MACROD2: variants seen among roughly 807,000 people sequenced by gnomAD.
MACROD2 encodes ADP-ribose glycohydrolase MACROD2.
In MACROD2, 36 loss-of-function variants were observed where a neutral mutation model predicts 70.4. That is an observed-to-expected ratio of 0.51 (90% CI 0.39 to 0.68). The LOEUF (loss-of-function observed/expected upper bound fraction) is 0.68. Ranked by LOEUF, MACROD2 falls within the 30% of genes least tolerant of loss-of-function variation. MACROD2 has a pLI of 0.00. For missense variants in MACROD2, 496 were observed against 538.4 expected, an observed-to-expected ratio of 0.92 and a Z score of 0.78; for synonymous variants, 172 against 178.8, an observed-to-expected ratio of 0.96 and a Z score of 0.30.
intron 4 of MACROD2, among the ~76,000 whole-genome samples, chr20:14,564,149 A>G (rs1451939424): frequency 6.6e-6 from 1 of 152,014 alleles, no homozygotes; most frequent in Non-Finnish European, 1.5e-5. Context: ...CGTATGCAGA[A>G]GAATGAAACT....
intron 4 of MACROD2, among the ~76,000 whole-genome samples, chr20:14,497,018 AGGGCTCCTTGCCCT>A (rs1415709950): frequency 6.6e-6 from 1 of 151,768 alleles, no homozygotes; most frequent in Non-Finnish European, 1.5e-5. Flanking sequence ...CTGCCACTCC[AGGGCTCCTTGCCCT>A]GGCACTGTGG....
chr20:15,649,447 G>T (rs2146792606), intron 8 of MACROD2, among the ~76,000 whole-genome samples: 1 of 152,122 alleles, frequency 6.6e-6, no homozygotes, highest in East Asian at 1.9e-4. Flanking sequence ...CCAGAGTCGT[G>T]AATTATGACA....
chr20:15,075,818 G>GCT (rs1490348376), intron 5 of MACROD2, among the ~76,000 whole-genome samples: 1 of 152,148 alleles, frequency 6.6e-6, no homozygotes, highest in Non-Finnish European at 1.5e-5. Context: ...AGTGACCACT[G>GCT]CAGGGTAGAG....
At chr20:15,772,103 T>A (rs6079965) in intron 8 of MACROD2, among the ~76,000 whole-genome samples, 9,691 of 77,200 alleles carry the variant, frequency 0.13, 503 homozygotes, top group Non-Finnish European at 0.15. Context: ...AAAAAAAAAA[T>A]ATATATATAT....
chr20:15,868,428 C>T (rs2030452960), intron 9 of MACROD2, among the ~76,000 whole-genome samples: 1 of 152,144 alleles, frequency 6.6e-6, no homozygotes. Context: ...TTATCTATTA[C>T]TGCCCATGAA....
chr20:14,132,847 C>A (rs908999040), intron 3 of MACROD2, among the ~76,000 whole-genome samples: 6 of 151,912 alleles, frequency 3.9e-5, no homozygotes, highest in Non-Finnish European at 8.8e-5. Flanking sequence ...TGCTTTGTTG[C>A]CCAGGCTGGT....
chr20:14,589,879 A>C (rs965164007), intron 4 of MACROD2, among the ~76,000 whole-genome samples: 1 of 152,162 alleles, frequency 6.6e-6, no homozygotes, highest in Non-Finnish European at 1.5e-5. Context: ...ACTTTATAAA[A>C]ATATGCCGTT....
intron 3 of MACROD2, among the ~76,000 whole-genome samples, chr20:14,225,673 T>C (rs943268066): frequency 6.6e-6 from 1 of 152,252 alleles, no homozygotes; most frequent in Admixed American, 6.5e-5. Flanking sequence ...AGTACAATTA[T>C]AACTGACCAA....
At chr20:15,201,118 C>T (rs2076652444) in intron 5 of MACROD2, among the ~76,000 whole-genome samples, 2 of 152,134 alleles carry the variant, frequency 1.3e-5, no homozygotes, top group South Asian at 4.1e-4. Context: ...AGTACTCAAA[C>T]TCCCTGCATC....
At chr20:15,215,252 TTGTGTGTGTGTGTGTGTGTGTG>T (rs376439581) in intron 5 of MACROD2, among the ~76,000 whole-genome samples, 3 of 135,474 alleles carry the variant, frequency 2.2e-5, no homozygotes, top group Non-Finnish European at 4.7e-5. Flanking sequence ...CTCCTGTATT[TTGTGTGTGTGTGTGTGTGTGTG>T]TGTGTGTGTG....
chr20:14,701,049 A>G (rs1242379382), intron 5 of MACROD2, among the ~76,000 whole-genome samples: 4 of 152,152 alleles, frequency 2.6e-5, no homozygotes. Flanking sequence ...CTGCAGCTTA[A>G]CAGATGAGCA....
At chr20:14,680,509 T>G (rs2070919267) in intron 4 of MACROD2, among the ~76,000 whole-genome samples, 1 of 152,288 alleles carries the variant, frequency 6.6e-6, no homozygotes, top group African/African-American at 2.4e-5. Context: ...GAAACGTCCA[T>G]ATTACTTGGC....
intron 12 of MACROD2, among the ~76,000 whole-genome samples, chr20:15,945,621 T>C (rs2065811584): frequency 6.6e-6 from 1 of 152,226 alleles, no homozygotes; most frequent in South Asian, 2.1e-4. Context: ...TTCATATTTC[T>C]ATCAGCAACT....
At chr20:15,452,406 A>G (rs910423839) in intron 7 of MACROD2, among the ~76,000 whole-genome samples, 3 of 152,112 alleles carry the variant, frequency 2.0e-5, no homozygotes, top group Non-Finnish European at 2.9e-5. Flanking sequence ...AAGATAGATA[A>G]GTTTGTTTCC....
chr20:14,039,155 C>CA (rs2053355656), intron 2 of MACROD2, among the ~76,000 whole-genome samples: 1 of 152,096 alleles, frequency 6.6e-6, no homozygotes, highest in African/African-American at 2.4e-5. Context: ...TTTAAATTTT[C>CA]AGCTTTTAAA....
Position 14,003,497 on chromosome 20 carries a change from T to C in MACROD2, c.163+1093T>C, listed in dbSNP as rs138089432. On this transcript the variant is annotated intron_variant, in intron 2 of 17. Transcript: ENST00000684519. Reference sequence around the variant, plus strand: ...CTGATTGGGATGTGCACATCTGACCTGTCTGCCCAGTGTCTTCTGTAAATG... The same window carrying C: ...CTGATTGGGATGTGCACATCTGACCCGTCTGCCCAGTGTCTTCTGTAAATG... 7.4e-3 allele frequency: 1,878 copies of C among 253,076 alleles called. 38 individuals carry two copies. The highest frequency in any genetic ancestry group is 0.04 in the African/African-American group (1,754 of 44,274). 15.7% of individuals were successfully genotyped at this position (253,076 alleles called of 1,614,324 possible).
chr20:15,088,876 G>T (rs1354310267), intron 5 of MACROD2, among the ~76,000 whole-genome samples: 1 of 152,004 alleles, frequency 6.6e-6, no homozygotes, highest in East Asian at 1.9e-4. Context: ...GAGGGTAAAA[G>T]AGAGTAAGCT....
chr20:15,340,257 C>A (rs1875124005), intron 6 of MACROD2, among the ~76,000 whole-genome samples: 1 of 150,662 alleles, frequency 6.6e-6, no homozygotes, highest in South Asian at 2.1e-4. Context: ...TCTGCCTCAG[C>A]CTCCTGAGTA....
chr20:14,012,617 T>C (rs2052928204), intron 2 of MACROD2, among the ~76,000 whole-genome samples: 1 of 152,226 alleles, frequency 6.6e-6, no homozygotes, highest in Non-Finnish European at 1.5e-5. Flanking sequence ...GTCATGACTT[T>C]TCTCTGCTTC....
Sources: gnomAD v4.1 joint callset for allele counts (sites outside exome capture counted in the v4.1 genomes callset) on GRCh38, gnomAD v4.1.1 for gene constraint, MANE v1.5 for transcripts, NCBI Gene and HGNC (gene_info 2026-07-23, HGNC 2026-07-21) for gene names.